NKAIN3: variants seen among roughly 807,000 people sequenced by gnomAD.
NKAIN3 encodes sodium/potassium transporting ATPase interacting 3, also known as sodium/potassium-transporting ATPase subunit beta-1-interacting protein 3.
In NKAIN3, 25 loss-of-function variants were observed where a neutral mutation model predicts 30.2. That is an observed-to-expected ratio of 0.83 (90% CI 0.60 to 1.16). The LOEUF is 1.16. Among genes scored for constraint, NKAIN3 ranks in the 50% most tolerant of loss-of-function variants. The pLI, the probability that NKAIN3 is intolerant of heterozygous loss-of-function variation, is 0.00. For missense variants in NKAIN3, 225 were observed against 254.1 expected (o/e 0.89, Z 0.78); for synonymous variants, 91 against 89.6 (o/e 1.02, Z -0.09).
rs1585756050 is a variant in NKAIN3 at position 62,393,496 on chromosome 8, AGTGCTTTT to A, written c.54+144370_54+144377del. On this transcript the variant is annotated intron_variant, in intron 1 of 6. Transcript: ENST00000623646. The stretch of plus-strand genomic sequence containing the variant: ...CTTATGCCAATCTCATACTCCTTAG[AGTGCTTTT>A]ATTGTAAATCTTAAATACCAGCTAA... Among the ~76,000 whole-genome samples, 4 of 152,040 alleles carry A rather than the reference AGTGCTTTT, an allele frequency of 2.6e-5. No individual in the cohort carries two copies. The East Asian group carries it at 5.8e-4, about 22-fold the overall frequency.
intron 1 of NKAIN3, among the ~76,000 whole-genome samples, chr8:62,366,606 A>G (rs1159564657): frequency 6.6e-6 from 1 of 152,110 alleles, no homozygotes; most frequent in East Asian, 1.9e-4. Context: ...TAACCTCACT[A>G]AAGTATTGTC....
rs540461419 is a variant in NKAIN3 at position 62,387,240 on chromosome 8, G to A, written c.54+138113G>A. On this transcript the variant is annotated intron_variant, in intron 1 of 6. Transcript: ENST00000623646. ...GAAATGAATCTTGCCACATGGGAGC[G>A]TGGGCCACATGGTAAAAGGGCCCAT... Among the ~76,000 whole-genome samples the A allele has an allele frequency of 7.2e-5, 11 of 152,028 alleles. No homozygotes were observed. The South Asian group carries it at 1.9e-3, about 26-fold the overall frequency.
chr8:62,744,841 A>C (rs1245444064), intron 3 of NKAIN3, among the ~76,000 whole-genome samples: 1 of 152,254 alleles, frequency 6.6e-6, no homozygotes, highest in Non-Finnish European at 1.5e-5. Flanking sequence ...TTTTATTATC[A>C]ATAAAGTGCT....
Position 62,404,319 on chromosome 8 carries a change from C to A in NKAIN3, c.54+155192C>A, listed in dbSNP as rs182467963. The stretch of plus-strand genomic sequence containing the variant: ...AAGGGCATGATTGTGTTTTGAAATG[C>A]GAGGACATGAGATTTTGGAGGGGCC... On this transcript the variant is annotated intron_variant, in intron 1 of 6. Transcript: ENST00000623646. Among the ~76,000 whole-genome samples the A allele has an allele frequency of 1.8e-4, 28 of 152,134 alleles. No individual in the cohort carries two copies. In the East Asian group the frequency reaches 1.9e-3, roughly 11 times the overall value.
intron 4 of NKAIN3, among the ~76,000 whole-genome samples, chr8:62,818,052 T>C (rs1818739488): frequency 6.6e-6 from 1 of 152,148 alleles, no homozygotes; most frequent in Admixed American, 6.6e-5. Flanking sequence ...AGCACTAATA[T>C]CATTTTATCT....
intron 1 of NKAIN3, among the ~76,000 whole-genome samples, chr8:62,396,518 A>G (rs1563379794): frequency 6.6e-6 from 1 of 152,150 alleles, no homozygotes. Flanking sequence ...TTTCCTGGGC[A>G]CTCCATAGCT....
At chr8:62,629,689 A>T (rs989575151) in intron 3 of NKAIN3, among the ~76,000 whole-genome samples, 1 of 152,308 alleles carries the variant, frequency 6.6e-6, no homozygotes, top group East Asian at 1.9e-4. Context: ...CAAATAGTTA[A>T]TGTAAAATCA....
chr8:62,590,999 T>C (rs1399784336), intron 3 of NKAIN3, among the ~76,000 whole-genome samples: 4 of 151,972 alleles, frequency 2.6e-5, no homozygotes, highest in Admixed American at 6.6e-5. Flanking sequence ...GTAATTAAAT[T>C]AATGTCTAGT....
intron 3 of NKAIN3, among the ~76,000 whole-genome samples, chr8:62,672,371 A>G (rs893704626): frequency 1.3e-5 from 2 of 152,176 alleles, no homozygotes; most frequent in Non-Finnish European, 2.9e-5. Context: ...AAGAAACACT[A>G]ATCCTCACTA....
chr8:62,262,848 G>C (rs1812486765), intron 1 of NKAIN3, among the ~76,000 whole-genome samples: 1 of 152,134 alleles, frequency 6.6e-6, no homozygotes, highest in South Asian at 2.1e-4. Flanking sequence ...TCAACCAAAA[G>C]TGTCTTTATA....
chr8:62,456,409 C>G (rs1046953364), intron 1 of NKAIN3, among the ~76,000 whole-genome samples: 4 of 151,930 alleles, frequency 2.6e-5, no homozygotes, highest in African/African-American at 9.7e-5. Flanking sequence ...GTCCCAGCTA[C>G]TTGGGAGGCT....
chr8:62,874,366 G>A (rs766415206), intron 4 of NKAIN3, among the ~76,000 whole-genome samples: 16 of 152,156 alleles, frequency 1.1e-4, no homozygotes, highest in Non-Finnish European at 1.8e-4. Context: ...AAAACCCCAG[G>A]ACCAGATGGA....
At chr8:62,477,410 G>A (rs1806556129) in intron 1 of NKAIN3, among the ~76,000 whole-genome samples, 2 of 152,164 alleles carry the variant, frequency 1.3e-5, no homozygotes, top group Admixed American at 1.3e-4. Context: ...GTGTGAGCCA[G>A]GGCTCAGGCA....
chr8:62,639,928 T>G, intron 3 of NKAIN3, among the ~76,000 whole-genome samples: 1 of 152,048 alleles, frequency 6.6e-6, no homozygotes, highest in East Asian at 1.9e-4. Flanking sequence ...GGAACACAAA[T>G]GTACCAGGAA....
At chr8:62,678,265 G>A (rs927898164) in intron 3 of NKAIN3, among the ~76,000 whole-genome samples, 1 of 152,122 alleles carries the variant, frequency 6.6e-6, no homozygotes, top group Non-Finnish European at 1.5e-5. Context: ...AGGCACTGAG[G>A]TATCAGTTAC....
chr8:62,949,861 A>G (rs866337001), intron 5 of NKAIN3, among the ~76,000 whole-genome samples: 12 of 152,106 alleles, frequency 7.9e-5, no homozygotes, highest in African/African-American at 1.2e-4. Flanking sequence ...CTTCTGCTCA[A>G]TAGTGTTCTT....
intron 4 of NKAIN3, among the ~76,000 whole-genome samples, chr8:62,844,926 C>T (rs972837338): frequency 6.6e-6 from 1 of 151,972 alleles, no homozygotes; most frequent in Non-Finnish European, 1.5e-5. Flanking sequence ...GAAATACTGT[C>T]TACGAAGGGG....
At position 62,248,999 on chromosome 8, in the gene NKAIN3, T is replaced by C; in HGVS notation, c.-75T>C. 7.2e-7 allele frequency: 1 copy of C among 1,383,828 alleles called. No individual in the cohort carries two copies. The highest frequency in any genetic ancestry group is 9.9e-7 in the Non-Finnish European group (1 of 1,013,926). The allele number at this position is 1,383,828 out of a possible 1,614,324, so 85.7% of individuals were successfully genotyped here. A position where few individuals can be genotyped will look rare whatever the true frequency, so the allele number is the denominator to read the frequency against. On this transcript the variant is annotated 5_prime_UTR_variant, in exon 1 of 7. Coordinates refer to ENST00000623646, the MANE Select transcript of NKAIN3 (RefSeq NM_001304533.3). Reference sequence around the variant, plus strand: ...CTGGGCCGGGCCGGGCGGGGACTACTCCGGAGTCAGGAGGCAGCAGCGGCG... The same window carrying C: ...CTGGGCCGGGCCGGGCGGGGACTACCCCGGAGTCAGGAGGCAGCAGCGGCG...
intron 1 of NKAIN3, among the ~76,000 whole-genome samples, chr8:62,379,815 T>A (rs1015995980): frequency 3.9e-5 from 6 of 152,182 alleles, no homozygotes; most frequent in Non-Finnish European, 8.8e-5. Flanking sequence ...AGCCTTCATT[T>A]TTTTTCAGGA....
Sources: allele counts gnomAD v4.1 joint callset (sites outside exome capture counted in the v4.1 genomes callset), GRCh38; gene constraint gnomAD v4.1.1; transcripts MANE v1.5; gene names NCBI Gene and HGNC (gene_info 2026-07-23, HGNC 2026-07-21).